The following TAFA1 variants were observed in gnomAD, a reference collection of about 807,000 sequenced individuals.
TAFA1 encodes TAFA chemokine like family member 1, also known as chemokine-like protein TAFA-1.
A neutral mutation model predicts 18.5 loss-of-function variants in TAFA1; 4 were observed. The ratio of observed to expected loss-of-function variants is 0.22; its 90% CI spans 0.11 to 0.49. The LOEUF is 0.49. TAFA1 is among the 20% of genes least tolerant of loss of function. TAFA1 has a pLI of 0.98. For missense variants in TAFA1, 147 were observed against 169.0 expected, an observed-to-expected ratio of 0.87 and a Z score of 0.72; for synonymous variants, 56 against 55.2, an observed-to-expected ratio of 1.01 and a Z score of -0.06.
At chr3:68,070,781 A>G (rs987635123) in intron 2 of TAFA1, among the ~76,000 whole-genome samples, 3 of 152,198 alleles carry the variant, frequency 2.0e-5, no homozygotes, top group African/African-American at 7.2e-5. Flanking sequence ...TCAAAGTTCC[A>G]CAAATCTCTA....
At chr3:68,472,089 G>A (rs1371359281) in intron 3 of TAFA1, among the ~76,000 whole-genome samples, 1 of 152,226 alleles carries the variant, frequency 6.6e-6, no homozygotes, top group East Asian at 1.9e-4. Context: ...GGGGACCAGT[G>A]ACAGAATGAT....
At chr3:68,137,848 C>G (rs113893278) in intron 2 of TAFA1, among the ~76,000 whole-genome samples, 76 of 152,142 alleles carry the variant, frequency 5.0e-4, no homozygotes, top group African/African-American at 1.8e-3. Flanking sequence ...CAATGTTATG[C>G]TAGTAGCCCT....
intron 2 of TAFA1, among the ~76,000 whole-genome samples, chr3:68,116,201 G>C (rs1179622652): frequency 6.6e-6 from 1 of 152,152 alleles, no homozygotes; most frequent in African/African-American, 2.4e-5. Flanking sequence ...CTTGCAGTGA[G>C]CCGAGATCGC....
At chr3:68,049,398 T>C (rs924299100) in intron 2 of TAFA1, among the ~76,000 whole-genome samples, 19 of 152,072 alleles carry the variant, frequency 1.2e-4, no homozygotes, top group African/African-American at 4.3e-4. Flanking sequence ...TGAAGAATTA[T>C]GGTAGCTGTC....
chr3:68,048,308 A>G (rs1001131050), intron 2 of TAFA1, among the ~76,000 whole-genome samples: 1 of 152,052 alleles, frequency 6.6e-6, no homozygotes, highest in Non-Finnish European at 1.5e-5. Flanking sequence ...GATATTTTCA[A>G]ATTAGAAAAA....
At position 68,460,557 on chromosome 3, in the gene TAFA1, C is replaced by T. The variant is rs548090144; in HGVS notation, c.259+43137C>T. The stretch of plus-strand genomic sequence containing the variant: ...TAAGAATTGAATTCAGAAGTAAGAT[C>T]TCTATGAGCACATCCTCCTCCTCTT... On this transcript the variant is annotated intron_variant, in intron 3 of 4. Coordinates refer to ENST00000478136, the MANE Select transcript of TAFA1 (RefSeq NM_213609.4). 5.3e-5 allele frequency among the ~76,000 whole-genome samples: 8 copies of T among 152,290 alleles called. No individual in the cohort carries two copies. In the East Asian group the frequency reaches 1.2e-3, roughly 22 times the overall value.
intron 3 of TAFA1, among the ~76,000 whole-genome samples, chr3:68,514,719 G>GA (rs11388134): frequency 0.6 from 87,907 of 147,280 alleles, 26,313 homozygotes; most frequent in East Asian, 0.71. Context: ...ACCCAGCAAT[G>GA]AAAAAAAAAA....
At chr3:68,072,540 G>C (rs2064769708) in intron 2 of TAFA1, among the ~76,000 whole-genome samples, 1 of 152,188 alleles carries the variant, frequency 6.6e-6, no homozygotes, top group East Asian at 1.9e-4. Context: ...AGATGGGGAA[G>C]AGATAGAACA....
At chr3:68,225,355 C>T (rs548063781) in intron 2 of TAFA1, among the ~76,000 whole-genome samples, 2 of 152,218 alleles carry the variant, frequency 1.3e-5, no homozygotes, top group South Asian at 4.1e-4. Flanking sequence ...TTATTCGTAG[C>T]AACTTTTATA....
chr3:68,103,740 A>G (rs2065174608), intron 2 of TAFA1, among the ~76,000 whole-genome samples: 1 of 152,084 alleles, frequency 6.6e-6, no homozygotes, highest in African/African-American at 2.4e-5. Context: ...AGTAGCTAAT[A>G]CTCACTGAGC....
intron 2 of TAFA1, among the ~76,000 whole-genome samples, chr3:68,306,700 G>T (rs548428973): frequency 3.3e-5 from 5 of 152,188 alleles, no homozygotes; most frequent in Admixed American, 2.6e-4. Flanking sequence ...ACAGTCATTT[G>T]TCTCTGGGTC....
chr3:68,208,966 C>A (rs1337285641), intron 2 of TAFA1, among the ~76,000 whole-genome samples: 3 of 151,960 alleles, frequency 2.0e-5, no homozygotes, highest in Admixed American at 6.6e-5. Flanking sequence ...GCAGAGATGT[C>A]CTCTCTCTTG....
intron 2 of TAFA1, among the ~76,000 whole-genome samples, chr3:68,303,425 G>T (rs2068342080): frequency 4.6e-5 from 7 of 151,976 alleles, no homozygotes; most frequent in Admixed American, 3.3e-4. Flanking sequence ...TGGCCCAATT[G>T]TCCTTGTTAT....
chr3:68,539,707 T>TGTGG (rs2073341514), intron 4 of TAFA1, among the ~76,000 whole-genome samples: 1 of 53,214 alleles, frequency 1.9e-5, no homozygotes, highest in African/African-American at 8.2e-5. Context: ...TGGGTGGGTG[T>TGTGG]GTGCATGTGT....
At chr3:68,493,230 G>A (rs74808870) in intron 3 of TAFA1, among the ~76,000 whole-genome samples, 1,858 of 152,056 alleles carry the variant, frequency 0.012, 37 homozygotes, top group African/African-American at 0.041. Flanking sequence ...AAATATAAGC[G>A]GAATCATACT....
chr3:68,491,521 C>A (rs2072453103), intron 3 of TAFA1, among the ~76,000 whole-genome samples: 1 of 122,746 alleles, frequency 8.1e-6, no homozygotes, highest in Non-Finnish European at 1.6e-5. Context: ...AGGGGAACAT[C>A]ACACTCTGGG....
At chr3:68,269,294 T>C (rs1239652108) in intron 2 of TAFA1, among the ~76,000 whole-genome samples, 1 of 151,744 alleles carries the variant, frequency 6.6e-6, no homozygotes, top group African/African-American at 2.4e-5. Context: ...TCTTTACAAT[T>C]TCTTTTTTAA....
intron 2 of TAFA1, among the ~76,000 whole-genome samples, chr3:68,220,086 A>G (rs1208272512): frequency 6.6e-6 from 1 of 152,236 alleles, no homozygotes; most frequent in Non-Finnish European, 1.5e-5. Flanking sequence ...TGTAAGTCGA[A>G]ATATGAACTG....
intron 2 of TAFA1, among the ~76,000 whole-genome samples, chr3:68,216,262 A>T (rs528724997): frequency 6.6e-6 from 1 of 152,204 alleles, no homozygotes; most frequent in South Asian, 2.1e-4. Context: ...CATTTGTCAA[A>T]ACCCATTGAA....
Sources: gnomAD v4.1 joint callset for allele counts (sites outside exome capture counted in the v4.1 genomes callset) on GRCh38, gnomAD v4.1.1 for gene constraint, MANE v1.5 for transcripts, NCBI Gene and HGNC (gene_info 2026-07-23, HGNC 2026-07-21) for gene names.